CPA1: variants seen among roughly 807,000 people sequenced by gnomAD.
The protein encoded by CPA1 is carboxypeptidase A1, also known as carboxypeptidase A1 (pancreatic).
Under a neutral mutation model 48.7 loss-of-function variants are expected in CPA1, and 42 were observed. That is an observed-to-expected ratio of 0.86 (90% CI 0.67 to 1.11). The LOEUF is 1.11. Among genes scored for constraint, CPA1 ranks in the 50% most tolerant of loss-of-function variants. CPA1 has a pLI of 0.00. For synonymous variants in CPA1, 203 were observed against 217.9 expected, an observed-to-expected ratio of 0.93 and a Z score of 0.60; for missense variants, 477 against 544.7, an observed-to-expected ratio of 0.88 and a Z score of 1.24.
chr7:130,381,184 G>A lies in CPA1; in HGVS notation c.147+5G>A. On this transcript the variant is annotated splice_donor_5th_base_variant and intron_variant, in intron 2 of 9. Coordinates refer to ENST00000011292, the MANE Select transcript of CPA1 (RefSeq NM_001868.4). Reference sequence around the variant, plus strand: ...GAGGACCTGGAGCACCTGCAGGTCAGAAGAGGGGAGAAGGGCTCTCTGAGG... The same window carrying A: ...GAGGACCTGGAGCACCTGCAGGTCAAAAGAGGGGAGAAGGGCTCTCTGAGG... 1 of 1,606,804 alleles carries A rather than the reference G, an allele frequency of 6.2e-7. No homozygotes were observed. Among genetic ancestry groups the A allele is most frequent in the Non-Finnish European group, 8.5e-7 (1 of 1,174,724 alleles).
At chr7:130,384,910 A>G (rs1796453404) in intron 7 of CPA1, 1 of 606,874 alleles carries the variant, frequency 1.6e-6, no homozygotes, top group African/African-American at 1.9e-5. Context: ...CTCTGTGAGA[A>G]CTGGTCTCCA....
intron 6 of CPA1, 108 bp from the exon 7 acceptor site, chr7:130,384,428 C>A: frequency 1.1e-6 from 1 of 922,688 alleles, no homozygotes; most frequent in South Asian, 1.4e-5. Context: ...CCAGGGAGCC[C>A]TCCCCTCAGT....
Position 130,381,675 on chromosome 7 carries a change from G to A in CPA1, c.193G>A (p.Val65Ile), listed in dbSNP as rs782142627. ...TGCCCACCCTGGCTCCCCCATCGAC[G>A]TCCGAGTGCCCTTCCCCAGCATCCA... Reference protein sequence around the residue: ...GPAHPGSPIDVRVPFPSIQAV... With the variant: ...GPAHPGSPIDIRVPFPSIQAV... Residue 65 changes from valine to isoleucine, a missense_variant, in exon 3 of 10, where the codon GTC (valine) becomes ATC (isoleucine). Val to Ile is a conservative substitution (Grantham distance 29). Transcript: ENST00000011292. 2 of 1,613,990 alleles carry A rather than the reference G, an allele frequency of 1.2e-6. No individual in the cohort carries two copies. Among genetic ancestry groups the A allele is most frequent in the Non-Finnish European group, 1.7e-6 (2 of 1,179,974 alleles).
chr7:130,383,276 C>T, intron 4 of CPA1, 115 bp from the exon 5 acceptor site: 1 of 790,594 alleles, frequency 1.3e-6, no homozygotes, highest in Non-Finnish European at 2.2e-6. Context: ...GAGCCTCTAC[C>T]TGAGATACAC....
chr7:130,384,882 C>T, intron 7 of CPA1: 1 of 606,012 alleles, frequency 1.7e-6, no homozygotes, highest in South Asian at 2.0e-5. Flanking sequence ...ACCTCAAGTC[C>T]TCCCGCCTTG....
At chr7:130,386,874 G>A (rs1796483332) in intron 9 of CPA1, among the ~76,000 whole-genome samples, 1 of 152,196 alleles carries the variant, frequency 6.6e-6, no homozygotes, top group African/African-American at 2.4e-5. Flanking sequence ...GGAACACTGG[G>A]GGTGGAGGTG....
chr7:130,381,185 A>T lies in CPA1; in HGVS notation c.147+6A>T. ...AGGACCTGGAGCACCTGCAGGTCAG[A>T]AGAGGGGAGAAGGGCTCTCTGAGGC... On this transcript the variant is annotated splice_donor_region_variant and intron_variant, in intron 2 of 9. Coordinates refer to ENST00000011292, the MANE Select transcript of CPA1 (RefSeq NM_001868.4). 1 of 1,607,020 alleles carries T rather than the reference A, an allele frequency of 6.2e-7. No homozygotes were observed. Among genetic ancestry groups the T allele is most frequent in the Non-Finnish European group, 8.5e-7 (1 of 1,174,932 alleles).
chr7:130,383,243 C>T lies in CPA1; in HGVS notation c.484-148C>T, dbSNP rs545968608. ...TGTCCAGCCCCCAGCCCCAAACCCA[C>T]CTGAGTGATGGCCCCACAAGCAGAG... On this transcript the variant is annotated intron_variant, in intron 4 of 9. Coordinates refer to ENST00000011292, the MANE Select transcript of CPA1 (RefSeq NM_001868.4). The T allele has an allele frequency of 5.5e-6, 4 of 720,826 alleles. No individual in the cohort carries two copies. In the African/African-American group the frequency reaches 7.0e-5, roughly 13 times the overall value. 44.7% of individuals were successfully genotyped at this position (720,826 alleles called of 1,614,324 possible). A position where few individuals can be genotyped will look rare whatever the true frequency, so the allele number is the denominator to read the frequency against.
chr7:130,386,252 G>A (rs902443693), intron 9 of CPA1, among the ~76,000 whole-genome samples: 7 of 152,092 alleles, frequency 4.6e-5, no homozygotes, highest in African/African-American at 1.7e-4. Context: ...CTTCTCGGGG[G>A]CAGGGCACCG....
chr7:130,384,050 C>T, intron 6 of CPA1: 1 of 534,930 alleles, frequency 1.9e-6, no homozygotes, highest in Non-Finnish European at 3.3e-6. Flanking sequence ...GTAGGAGCCC[C>T]CCTCTCCAGT....
In CPA1 at chr7:130,385,933, C is replaced by T. The variant is rs781859541; in HGVS notation, c.1072+10C>T. The T allele has an allele frequency of 9.3e-6, 15 of 1,609,824 alleles. No individual in the cohort carries two copies. The highest frequency in any genetic ancestry group is 2.2e-5 in the East Asian group (1 of 44,840). ...ATCATCAAGGCAATTTGTAAGTGGC[C>T]GTAGGGTCTCTCTTGATGGGCCTGC... is the stretch of plus-strand genomic sequence containing the variant. On this transcript the variant is annotated intron_variant, in intron 9 of 9. Transcript: ENST00000011292.
Position 130,385,907 on chromosome 7 carries a change from C to G in CPA1, c.1056C>G (p.Ser352Arg). The G allele has an allele frequency of 6.2e-7, 1 of 1,614,024 alleles. No homozygotes were observed. Among genetic ancestry groups the G allele is most frequent in the South Asian group, 1.1e-5 (1 of 91,044 alleles). ...ACGGGACCAAGTTCAACTATGGCAG[C>G]ATCATCAAGGCAATTTGTAAGTGGC... Reference protein sequence around the residue: ...SLYGTKFNYGSIIKAIYQASG... With the variant: ...SLYGTKFNYGRIIKAIYQASG... The change falls in exon 9 of 10, where the codon AGC becomes AGG. Residue 352 changes from serine (S) to arginine (R), a missense_variant. Coordinates refer to ENST00000011292, the MANE Select transcript of CPA1 (RefSeq NM_001868.4).
chr7:130,387,908 G>A lies in CPA1; in HGVS notation c.1157G>A (p.Arg386His), dbSNP rs782338563. The A allele has an allele frequency of 2.7e-5, 44 of 1,614,018 alleles. No individual in the cohort carries two copies. In the Middle Eastern group the frequency reaches 4.9e-4, roughly 18 times the overall value. ...ACCTTCGAGCTCCGGGACACTGGGC[G>A]CTATGGCTTCCTGCTGCCAGCCTCC... is the stretch of plus-strand genomic sequence containing the variant. ...SFTFELRDTG[R>H]YGFLLPASQI... The change falls in exon 10 of 10, where the codon CGC (arginine) becomes CAC (histidine). Residue 386 changes from arginine (R) to histidine (H), a missense_variant. Arg to His is a conservative substitution (Grantham distance 29). Transcript: ENST00000011292. This position sits in a 1 kb window ranked among gnomAD's most constrained non-coding sequence, Gnocchi z 4.6.
At chr7:130,383,999 C>T (rs551133281) in intron 6 of CPA1, 25 of 592,030 alleles carry the variant, frequency 4.2e-5, no homozygotes, top group African/African-American at 1.1e-4. Flanking sequence ...TGTGCATCCA[C>T]GGTGTTTCTA....
Position 130,385,883 on chromosome 7 carries a change from C to A in CPA1, c.1032C>A (p.Tyr344Ter), listed in dbSNP as rs202029176. 6.2e-7 allele frequency: 1 copy of A among 1,614,134 alleles called. No homozygotes were observed. Among genetic ancestry groups the A allele is most frequent in the South Asian group, 1.1e-5 (1 of 91,068 alleles). ...KAAVTALASL[Y>*]GTKFNYGSII... ...CTGTGACAGCCCTGGCCTCTCTCTA[C>A]GGGACCAAGTTCAACTATGGCAGCA... Residue 344 changes from tyrosine to a stop codon, truncating the protein, a stop_gained, in exon 9 of 10, where the codon TAC becomes TAA. Coordinates refer to ENST00000011292, the MANE Select transcript of CPA1 (RefSeq NM_001868.4). LOFTEE classifies it high-confidence loss of function.
intron 8 of CPA1, 128 bp downstream of exon 8, chr7:130,385,473 G>T: frequency 2.3e-6 from 2 of 851,522 alleles, no homozygotes; most frequent in East Asian, 2.6e-5. Context: ...TTCCCTGATG[G>T]CTTGGGAAGA....
At chr7:130,385,545 C>G (rs1307393238) in intron 8 of CPA1, among the ~76,000 whole-genome samples, 200 bp downstream of exon 8, 1 of 152,202 alleles carries the variant, frequency 6.6e-6, no homozygotes, top group African/African-American at 2.4e-5. Context: ...GGAGTCACTT[C>G]TGTAATGTGA....
intron 8 of CPA1, 34 bp downstream of exon 8, chr7:130,385,379 C>T (rs782165075): frequency 6.2e-7 from 1 of 1,605,304 alleles, no homozygotes; most frequent in Non-Finnish European, 8.5e-7. Flanking sequence ...CCCTCGTCCC[C>T]AAGGTGGCTT....
intron 4 of CPA1, among the ~76,000 whole-genome samples, chr7:130,382,462 T>C (rs1431647151): frequency 6.6e-6 from 1 of 152,036 alleles, no homozygotes; most frequent in African/African-American, 2.4e-5. Context: ...GTCTGGGTAG[T>C]CCAGATAAAG....
Sources: gnomAD v4.1 joint callset for allele counts (sites outside exome capture counted in the v4.1 genomes callset) on GRCh38, gnomAD v4.1.1 for gene constraint, Gnocchi (gnomAD v3.1) non-coding constraint, MANE v1.5 for transcripts, NCBI Gene and HGNC (gene_info 2026-07-23, HGNC 2026-07-21) for gene names.